DNA2: variants seen among roughly 807,000 people sequenced by gnomAD.
DNA2 encodes the protein DNA replication helicase/nuclease 2.
In DNA2, 101 loss-of-function variants were observed where a neutral mutation model predicts 119.1. That is an observed-to-expected ratio of 0.85 (90% confidence interval 0.72 to 1.00). The LOEUF is 1.00. Ranked by LOEUF, DNA2 falls within the 50% of genes least tolerant of loss-of-function variation. The probability of loss-of-function intolerance (pLI) is 0.00; values close to 1 mark genes in which losing one functional copy is unlikely to be tolerated. For missense variants in DNA2, 1,121 were observed against 1,255.5 expected (o/e 0.89, Z 1.62); for synonymous variants, 366 against 424.4 (o/e 0.86, Z 1.69).
Position 68,414,950 on chromosome 10 carries a change from T to A in DNA2, c.*89A>T, listed in dbSNP as rs1801041. The A allele has an allele frequency of 0.29, 242,476 of 831,374 alleles. 36,280 individuals are homozygous for A. The highest frequency in any genetic ancestry group is 0.31 in the Admixed American group (11,710 of 38,220). The allele number at this position is 831,374 out of a possible 1,614,324, so 51.5% of individuals were successfully genotyped here. ...TGTGCTTTAAAACATAAATACTGCA[T>A]TAAATTTTGTATGGTGATAGAATTT... On this transcript the variant is annotated 3_prime_UTR_variant, in exon 21 of 21. Transcript: ENST00000358410.
intron 3 of DNA2, among the ~76,000 whole-genome samples, chr10:68,467,399 G>A (rs879516309): frequency 3.3e-5 from 5 of 151,560 alleles, no homozygotes; most frequent in Non-Finnish European, 7.4e-5. Flanking sequence ...GTAAGCCACT[G>A]CGCCCAGCCC....
Position 68,443,199 on chromosome 10 carries a change from A to G in DNA2, c.1221-88T>C, listed in dbSNP as rs985476769. On this transcript the variant is annotated intron_variant, in intron 8 of 20. Coordinates refer to ENST00000358410, the MANE Select transcript of DNA2 (RefSeq NM_001080449.3). ...AGATAATTCCAAAATAAGAACACAT[A>G]TATGATCATCATCATAACTCATAAC... The G allele has an allele frequency of 2.7e-6, 3 of 1,119,320 alleles. No homozygotes were observed. In the Admixed American group the frequency reaches 8.5e-5, roughly 32 times the overall value. The allele number at this position is 1,119,320 out of a possible 1,614,324, so 69.3% of individuals were successfully genotyped here.
intron 12 of DNA2, 80 bp downstream of exon 12, chr10:68,432,126 A>AATC (rs2051830313): frequency 4.3e-6 from 5 of 1,173,016 alleles, no homozygotes; most frequent in Non-Finnish European, 6.1e-6. Context: ...TTGCAAGTCT[A>AATC]ATCAAGATAT....
intron 5 of DNA2, among the ~76,000 whole-genome samples, chr10:68,450,731 C>T (rs2133415006): frequency 6.6e-6 from 1 of 152,254 alleles, no homozygotes; most frequent in African/African-American, 2.4e-5. Flanking sequence ...TTTTGATATA[C>T]AATTATTACG....
At chr10:68,467,498 A>G (rs775242041) in intron 3 of DNA2, among the ~76,000 whole-genome samples, 24 of 152,132 alleles carry the variant, frequency 1.6e-4, no homozygotes, top group Non-Finnish European at 2.8e-4. Context: ...TGTTGAGTAC[A>G]TGGGAGTTTA....
intron 15 of DNA2, 38 bp from the exon 16 acceptor site, chr10:68,422,642 A>C: frequency 6.2e-7 from 1 of 1,613,248 alleles, no homozygotes; most frequent in South Asian, 1.1e-5. Context: ...CAGTGTACTA[A>C]ATCTGTTCCT....
chr10:68,470,184 A>G (rs748740166), intron 1 of DNA2, 21 bp from the exon 2 acceptor site: 16 of 1,565,758 alleles, frequency 1.0e-5, no homozygotes, highest in Non-Finnish European at 1.4e-5. Flanking sequence ...CACATACAAA[A>G]CTATTTTAGC....
intron 9 of DNA2, among the ~76,000 whole-genome samples, chr10:68,441,331 C>T (rs1471932102): frequency 8.3e-6 from 1 of 120,714 alleles, no homozygotes; most frequent in Non-Finnish European, 1.6e-5. Context: ...GTGACCCTGT[C>T]TCTTAAAAAA....
chr10:68,472,131 C>A, upstream of DNA2: 1 of 1,433,830 alleles, frequency 7.0e-7, no homozygotes, highest in Non-Finnish European at 9.2e-7. Context: ...ATATCTGAAG[C>A]AGACTAAACG....
At chr10:68,426,870 A>C (rs1564879778) in intron 14 of DNA2, among the ~76,000 whole-genome samples, 1 of 152,010 alleles carries the variant, frequency 6.6e-6, no homozygotes, top group African/African-American at 2.4e-5. Context: ...AAATAAAACT[A>C]TCTTTTGTTC....
In DNA2 at chr10:68,471,889, T is replaced by G; in HGVS notation, c.-25A>C. 6.2e-7 allele frequency: 1 copy of G among 1,613,874 alleles called. No individual in the cohort carries two copies. The highest frequency in any genetic ancestry group is 8.5e-7 in the Non-Finnish European group (1 of 1,179,798). On this transcript the variant is annotated 5_prime_UTR_variant, in exon 1 of 21. Coordinates refer to ENST00000358410, the MANE Select transcript of DNA2 (RefSeq NM_001080449.3). The stretch of plus-strand genomic sequence containing the variant: ...TCCTGGACGCGGGGATCGCAAACTG[T>G]AGACAGAAAAGACAGCGGAACCGGG...
At chr10:68,434,783 A>G (rs763716141) in intron 10 of DNA2, among the ~76,000 whole-genome samples, 7 of 152,218 alleles carry the variant, frequency 4.6e-5, no homozygotes, top group Non-Finnish European at 7.3e-5. Flanking sequence ...CAACTGGAAT[A>G]TTGTGGATCA....
intron 3 of DNA2, among the ~76,000 whole-genome samples, chr10:68,467,729 A>C (rs559753933): frequency 1.3e-5 from 2 of 152,182 alleles, no homozygotes; most frequent in Non-Finnish European, 2.9e-5. Flanking sequence ...TTTTCTAGCA[A>C]AATACATTTT....
intron 6 of DNA2, among the ~76,000 whole-genome samples, chr10:68,448,598 T>C (rs780738477): frequency 3.9e-5 from 6 of 152,172 alleles, no homozygotes; most frequent in African/African-American, 9.7e-5. Context: ...TTTTTTTCAA[T>C]ACAAGAATTA....
Position 68,422,282 on chromosome 10 carries a change from A to T in DNA2, c.2640T>A (p.Pro880=), listed in dbSNP as rs1388304883. 1.9e-6 allele frequency: 3 copies of T among 1,613,626 alleles called. No individual in the cohort carries two copies. The highest frequency in any genetic ancestry group is 1.7e-6 in the Non-Finnish European group (2 of 1,179,796). The change falls in exon 17 of 21, where the codon CCT becomes CCA. Residue 880 remains proline (P), a synonymous_variant. Transcript: ENST00000358410. The part of the protein sequence containing the change: ...LEFYADYSDN[P]WLMGVFEPNN... ...TGGGTTCAAATACTCCCATCAACCA[A>T]GGATTATCAGAATAGTCAGCATAAA...
rs189608853 is a variant in DNA2, at chr10:68,452,049, A to G, written c.720-1802T>C. Among the ~76,000 whole-genome samples the G allele has an allele frequency of 6.2e-3, 941 of 152,252 alleles. 6 individuals are homozygous for G. The highest frequency in any genetic ancestry group is 0.011 in the Non-Finnish European group (718 of 68,030). On this transcript the variant is annotated intron_variant, in intron 5 of 20. Transcript: ENST00000358410. ...GAATAGTTGAAGAAGACAGTAGTGC[A>G]ATTCAGAGAAGCCATAATTTATCTA...
At chr10:68,436,548 C>T (rs1285067727) in intron 10 of DNA2, among the ~76,000 whole-genome samples, 1 of 152,138 alleles carries the variant, frequency 6.6e-6, no homozygotes, top group Non-Finnish European at 1.5e-5. Context: ...CTCAATTATA[C>T]ACATTAAAAT....
At chr10:68,443,637 G>GA (rs1157839522) in intron 8 of DNA2, among the ~76,000 whole-genome samples, 1 of 152,124 alleles carries the variant, frequency 6.6e-6, no homozygotes. Context: ...GAGATCCCTT[G>GA]AAAAAATACC....
At chr10:68,424,416 A>G in intron 14 of DNA2, 1 of 487,960 alleles carries the variant, frequency 2.0e-6, no homozygotes, top group Non-Finnish European at 3.8e-6. Context: ...AGGCAGGAGG[A>G]TCACTTGAGC....
Sources: gnomAD v4.1 joint callset for allele counts (sites outside exome capture counted in the v4.1 genomes callset) on GRCh38, gnomAD v4.1.1 for gene constraint, MANE v1.5 for transcripts, NCBI Gene and HGNC (gene_info 2026-07-23, HGNC 2026-07-21) for gene names.